SGCZ: variants seen among roughly 807,000 people sequenced by gnomAD.
The protein encoded by SGCZ is zeta-sarcoglycan.
SGCZ carries 40 observed loss-of-function variants against 41.3 expected under a neutral mutation model. The ratio of observed to expected loss-of-function variants is 0.97; its 90% CI spans 0.75 to 1.26. The LOEUF (loss-of-function observed/expected upper bound fraction) is 1.26. SGCZ is among the 50% of genes most tolerant of loss of function. The pLI is 0.00. For synonymous variants in SGCZ, 206 were observed against 137.5 expected, an observed-to-expected ratio of 1.50 and a Z score of -3.49; for missense variants, 552 against 369.8, an observed-to-expected ratio of 1.49 and a Z score of -4.04.
At chr8:14,428,133 CATATAT>C (rs1317674347) in intron 2 of SGCZ, among the ~76,000 whole-genome samples, 1 of 12,530 alleles carries the variant, frequency 8.0e-5, no homozygotes, top group African/African-American at 3.1e-4. Context: ...CACACACACA[CATATAT>C]ATATATATAT....
chr8:14,583,347 G>A (rs1466271489), intron 1 of SGCZ, among the ~76,000 whole-genome samples: 1 of 152,064 alleles, frequency 6.6e-6, no homozygotes, highest in South Asian at 2.1e-4. Context: ...CCCACTTTTT[G>A]ATGGGGTTAT....
chr8:14,152,424 G>A (rs575771333), intron 5 of SGCZ, among the ~76,000 whole-genome samples: 2 of 152,262 alleles, frequency 1.3e-5, no homozygotes, highest in Admixed American at 6.5e-5. Flanking sequence ...AACTATATGG[G>A]TGGATGAGCT....
chr8:14,368,070 G>A (rs1189469802), intron 2 of SGCZ, among the ~76,000 whole-genome samples: 6 of 152,090 alleles, frequency 3.9e-5, no homozygotes, highest in Admixed American at 2.0e-4. Flanking sequence ...TTAAATTTTT[G>A]AAAAGGTAAG....
At chr8:14,485,825 C>T (rs1368682871) in intron 2 of SGCZ, among the ~76,000 whole-genome samples, 1 of 130,972 alleles carries the variant, frequency 7.6e-6, no homozygotes, top group Non-Finnish European at 1.6e-5. Context: ...TATATTTTCT[C>T]TAGAACAATT....
rs193017686 is a variant in SGCZ at position 14,860,735 on chromosome 8, A to T, written c.40-305809T>A. Reference sequence around the variant, plus strand: ...GAAAGAAAGAAAGAAAGAAAGAAAGAAAGTAAGTAAGTAAGTGAGGGAGGG... The same window carrying T: ...GAAAGAAAGAAAGAAAGAAAGAAAGTAAGTAAGTAAGTAAGTGAGGGAGGG... On this transcript the variant is annotated intron_variant, in intron 1 of 7. Transcript: ENST00000382080. Among the ~76,000 whole-genome samples the T allele has an allele frequency of 1.1e-3, 125 of 112,814 alleles. No homozygotes were observed. The Middle Eastern group carries it at 0.014, about 12-fold the overall frequency. 74.0% of individuals were successfully genotyped at this position (112,814 alleles called of 152,430 possible). A position where few individuals can be genotyped will look rare whatever the true frequency, so the allele number is the denominator to read the frequency against.
At chr8:14,977,193 G>C (rs1801505484) in intron 1 of SGCZ, among the ~76,000 whole-genome samples, 1 of 151,996 alleles carries the variant, frequency 6.6e-6, no homozygotes, top group Non-Finnish European at 1.5e-5. Flanking sequence ...AACTCGTTGA[G>C]GGAAGGCGCT....
At chr8:14,796,258 C>T (rs1801125461) in intron 1 of SGCZ, among the ~76,000 whole-genome samples, 2 of 152,106 alleles carry the variant, frequency 1.3e-5, no homozygotes, top group Admixed American at 1.3e-4. Context: ...CCACAATCTT[C>T]CAGAATGGCT....
intron 1 of SGCZ, among the ~76,000 whole-genome samples, chr8:14,947,066 C>G (rs1014992373): frequency 6.6e-6 from 1 of 151,980 alleles, no homozygotes; most frequent in Non-Finnish European, 1.5e-5. Context: ...CAGCCTCTCC[C>G]CATCTGAAAA....
intron 1 of SGCZ, among the ~76,000 whole-genome samples, chr8:14,768,001 G>A (rs540788537): frequency 6.6e-6 from 1 of 152,286 alleles, no homozygotes; most frequent in East Asian, 1.9e-4. Context: ...CATGTAATAT[G>A]CCGAGTAGCC....
intron 1 of SGCZ, among the ~76,000 whole-genome samples, chr8:15,222,699 G>T (rs993136205): frequency 5.9e-5 from 9 of 152,016 alleles, no homozygotes; most frequent in Non-Finnish European, 7.4e-5. Flanking sequence ...CAAGGTCTTA[G>T]AAGTCATGAT....
intron 1 of SGCZ, among the ~76,000 whole-genome samples, chr8:14,581,902 T>A (rs942667278): frequency 6.6e-6 from 1 of 152,178 alleles, no homozygotes; most frequent in African/African-American, 2.4e-5. Context: ...GACACACTTA[T>A]AAGCAGACTT....
At chr8:14,674,033 T>G (rs987042323) in intron 1 of SGCZ, among the ~76,000 whole-genome samples, 5 of 152,146 alleles carry the variant, frequency 3.3e-5, no homozygotes, top group Admixed American at 1.3e-4. Context: ...AAATACTAAT[T>G]TGGAGATGAA....
At chr8:15,088,604 AGCTAGGAACTC>A (rs138133866) in intron 1 of SGCZ, among the ~76,000 whole-genome samples, 93,533 of 150,616 alleles carry the variant, frequency 0.62, 30,400 homozygotes, top group Non-Finnish European at 0.73. Context: ...TGAGACTTAA[AGCTAGGAACTC>A]CTAAGTTCCT....
intron 1 of SGCZ, among the ~76,000 whole-genome samples, chr8:15,003,254 G>A (rs1280613682): frequency 6.6e-6 from 1 of 152,168 alleles, no homozygotes; most frequent in South Asian, 2.1e-4. Flanking sequence ...AGTATGCTCT[G>A]AAAGACGAAG....
intron 1 of SGCZ, among the ~76,000 whole-genome samples, chr8:14,798,289 G>T (rs1391681683): frequency 6.6e-6 from 1 of 152,062 alleles, no homozygotes; most frequent in Non-Finnish European, 1.5e-5. Context: ...TTTCTAACAG[G>T]AATTTGGAAG....
intron 2 of SGCZ, among the ~76,000 whole-genome samples, chr8:14,349,078 T>C (rs536504356): frequency 2.6e-5 from 4 of 152,270 alleles, no homozygotes; most frequent in African/African-American, 9.6e-5. Flanking sequence ...GACAACATTG[T>C]AAATTGTGGG....
At chr8:14,497,781 C>T (rs578242334) in intron 2 of SGCZ, among the ~76,000 whole-genome samples, 497 of 152,178 alleles carry the variant, frequency 3.3e-3, no homozygotes, top group South Asian at 0.012. Context: ...CATTGGGGAA[C>T]GCATTTCAGC....
Position 14,902,085 on chromosome 8 carries a change from C to T in SGCZ, c.39+335500G>A, listed in dbSNP as rs141504103. 3.6e-3 allele frequency among the ~76,000 whole-genome samples: 548 copies of T among 152,136 alleles called. 5 individuals carry two copies. The highest frequency in any genetic ancestry group is 0.013 in the African/African-American group (530 of 41,508). On this transcript the variant is annotated intron_variant, in intron 1 of 7. Transcript: ENST00000382080. Reference sequence around the variant, plus strand: ...TTCAAACTATTTGGCTCCATAAATGCCTACACTCAAATTTGGTGAGTAAAT... The same window carrying T: ...TTCAAACTATTTGGCTCCATAAATGTCTACACTCAAATTTGGTGAGTAAAT...
intron 2 of SGCZ, among the ~76,000 whole-genome samples, chr8:14,513,619 T>C (rs934369283): frequency 2.1e-5 from 3 of 144,072 alleles, no homozygotes; most frequent in Non-Finnish European, 4.6e-5. Context: ...AATAGATGCA[T>C]ATTTGATGCA....
Sources: gnomAD v4.1 joint callset for allele counts (sites outside exome capture counted in the v4.1 genomes callset) on GRCh38, gnomAD v4.1.1 for gene constraint, MANE v1.5 for transcripts, NCBI Gene and HGNC (gene_info 2026-07-23, HGNC 2026-07-21) for gene names.